Variants in SLC8A3 observed in about 807,000 individuals in gnomAD.
The protein encoded by SLC8A3 is sodium/calcium exchanger 3.
SLC8A3 carries 37 observed loss-of-function variants against 65.4 expected under a neutral mutation model. The ratio of observed to expected loss-of-function variants is 0.57; its 90% CI spans 0.44 to 0.74. The LOEUF (loss-of-function observed/expected upper bound fraction) is 0.74. Ranked by LOEUF, SLC8A3 falls within the 30% of genes least tolerant of loss-of-function variation. The probability of loss-of-function intolerance (pLI) is 0.00; values close to 1 mark genes in which losing one functional copy is unlikely to be tolerated. For synonymous variants in SLC8A3, 461 were observed against 444.5 expected, an observed-to-expected ratio of 1.04 and a Z score of -0.47; for missense variants, 1,112 against 1,172.1, an observed-to-expected ratio of 0.95 and a Z score of 0.75.
rs560121862 is a variant in SLC8A3 at position 70,124,914 on chromosome 14, G to A, written c.1784+41725C>T. ...AACTGTCAAAAGGAAGAGGGATGAG[G>A]GTTGGAAGAAGGTGGCATCCTTTCT... On this transcript the variant is annotated intron_variant, in intron 2 of 6. Coordinates refer to ENST00000356921, the MANE Select transcript of SLC8A3 (RefSeq NM_182932.3). Among the ~76,000 whole-genome samples the A allele has an allele frequency of 3.9e-5, 6 of 152,316 alleles. No individual in the cohort carries two copies. The East Asian group carries it at 9.6e-4, about 24-fold the overall frequency.
At chr14:70,119,125 G>A (rs1319741562) in intron 2 of SLC8A3, among the ~76,000 whole-genome samples, 1 of 152,062 alleles carries the variant, frequency 6.6e-6, no homozygotes, top group Non-Finnish European at 1.5e-5. Flanking sequence ...TTGGGGGAAT[G>A]GTGTGTTTCC....
At chr14:70,149,806 T>A (rs552996519) in intron 2 of SLC8A3, among the ~76,000 whole-genome samples, 1 of 152,306 alleles carries the variant, frequency 6.6e-6, no homozygotes, top group East Asian at 1.9e-4. Flanking sequence ...CATTCCATCT[T>A]TCTTTCCCTT....
At chr14:70,075,713 A>G (rs1287929670) in intron 2 of SLC8A3, among the ~76,000 whole-genome samples, 1 of 152,152 alleles carries the variant, frequency 6.6e-6, no homozygotes, top group East Asian at 1.9e-4. Context: ...TTCTCTCCTC[A>G]GCAGGAGTGC....
At chr14:70,120,907 C>T (rs61977438) in intron 2 of SLC8A3, among the ~76,000 whole-genome samples, 16,114 of 152,140 alleles carry the variant, frequency 0.11, 1,149 homozygotes, top group Non-Finnish European at 0.16. Context: ...TCAGGCATGA[C>T]GGAGGGAGTT....
At chr14:70,130,901 C>T (rs754516176) in intron 2 of SLC8A3, among the ~76,000 whole-genome samples, 62 of 152,122 alleles carry the variant, frequency 4.1e-4, no homozygotes, top group South Asian at 1.7e-3. Context: ...GGTAGAAATG[C>T]CTAGCAGGCA....
intron 2 of SLC8A3, among the ~76,000 whole-genome samples, chr14:70,139,209 T>A (rs925316767): frequency 2.0e-5 from 3 of 152,132 alleles, no homozygotes; most frequent in Non-Finnish European, 4.4e-5. Context: ...CCTGAGTTGT[T>A]GACTAGTAGG....
Position 70,051,115 on chromosome 14 carries a change from G to A in SLC8A3, c.2014-8C>T, listed in dbSNP as rs756431171. ...CAGTTTGTCCACCGTAGTCTGTTAA[G>A]AAGAGAAAAACTTGGAACCATGAGG... On this transcript the variant is annotated splice_region_variant and splice_polypyrimidine_tract_variant and intron_variant, in intron 4 of 6. Coordinates refer to ENST00000356921, the MANE Select transcript of SLC8A3 (RefSeq NM_182932.3). 3.7e-6 allele frequency: 6 copies of A among 1,601,776 alleles called. No homozygotes were observed. The Admixed American group carries it at 1.0e-4, about 27-fold the overall frequency.
intron 2 of SLC8A3, among the ~76,000 whole-genome samples, chr14:70,116,253 G>A (rs537440208): frequency 9.9e-5 from 15 of 152,230 alleles, no homozygotes; most frequent in Admixed American, 4.6e-4. Context: ...TTGTCTGAGA[G>A]GCCAGGGGTG....
At chr14:70,147,005 T>C (rs1270105122) in intron 2 of SLC8A3, among the ~76,000 whole-genome samples, 1 of 152,198 alleles carries the variant, frequency 6.6e-6, no homozygotes, top group Non-Finnish European at 1.5e-5. Flanking sequence ...AAAAATATTG[T>C]GACCAGCAGC....
chr14:70,121,069 A>G (rs1894019842), intron 2 of SLC8A3, among the ~76,000 whole-genome samples: 1 of 152,356 alleles, frequency 6.6e-6, no homozygotes, highest in Non-Finnish European at 1.5e-5. Context: ...CAGAATCTGC[A>G]ACATGACAAC....
intron 1 of SLC8A3, among the ~76,000 whole-genome samples, chr14:70,176,005 C>T (rs1481274777): frequency 6.6e-6 from 1 of 152,126 alleles, no homozygotes; most frequent in African/African-American, 2.4e-5. Flanking sequence ...AAAGGGGAAG[C>T]TTTTTTGTTT....
chr14:70,128,573 C>T (rs529549086), intron 2 of SLC8A3, among the ~76,000 whole-genome samples: 2 of 152,202 alleles, frequency 1.3e-5, no homozygotes, highest in Non-Finnish European at 1.5e-5. Context: ...CTAACCCATT[C>T]TCTTAGAGTG....
At chr14:70,097,570 CTG>C (rs1566777909) in intron 2 of SLC8A3, among the ~76,000 whole-genome samples, 1 of 152,192 alleles carries the variant, frequency 6.6e-6, no homozygotes. Context: ...ACAATGGAGA[CTG>C]TTTAAGTGTC....
At chr14:70,091,849 T>A (rs1208467813) in intron 2 of SLC8A3, among the ~76,000 whole-genome samples, 1 of 152,168 alleles carries the variant, frequency 6.6e-6, no homozygotes, top group Non-Finnish European at 1.5e-5. Context: ...ATCCTCACAA[T>A]TGCATTTATT....
intron 2 of SLC8A3, among the ~76,000 whole-genome samples, chr14:70,144,331 TAAAA>T (rs1164198147): frequency 1.9e-4 from 13 of 66,930 alleles, no homozygotes; most frequent in Non-Finnish European, 3.1e-4. Context: ...TTTTTTTTTT[TAAAA>T]AAAAAAAAAA....
intron 2 of SLC8A3, among the ~76,000 whole-genome samples, chr14:70,091,605 C>A (rs1046512561): frequency 1.3e-5 from 2 of 152,146 alleles, no homozygotes; most frequent in African/African-American, 4.8e-5. Flanking sequence ...GGTGTCGGAG[C>A]CACGCACCCC....
In SLC8A3 at chr14:70,167,904, A is replaced by T. The variant is rs757916686; in HGVS notation, c.519T>A (p.Ser173Arg). The change falls in exon 2 of 7, where the codon AGT becomes AGA. Residue 173 changes from serine (S) to arginine (R), a missense_variant. By Grantham distance (110) the Ser-to-Arg change is moderately radical. Coordinates refer to ENST00000356921, the MANE Select transcript of SLC8A3 (RefSeq NM_182932.3). ...GDLGPSTIVG[S>R]AAFNMFIIIG... Reference sequence around the variant, plus strand: ...TGATGATGAACATGTTGAAGGCTGCACTCCCTACAATGGTAGAAGGTCCCA... The same window carrying T: ...TGATGATGAACATGTTGAAGGCTGCTCTCCCTACAATGGTAGAAGGTCCCA... 6.2e-7 allele frequency: 1 copy of T among 1,614,034 alleles called. No homozygotes were observed.
chr14:70,046,416 G>A lies in SLC8A3; in HGVS notation c.2390-93C>T. ...TGCCCAAAAAGCAGCTTGAGCTGGT[G>A]GGCTGAACCCAGGAATGAGAGACAA... On this transcript the variant is annotated intron_variant, in intron 6 of 6. Transcript: ENST00000356921. This position sits in a 1 kb window ranked among gnomAD's most constrained non-coding sequence, Gnocchi z 4.2. 7.5e-7 allele frequency: 1 copy of A among 1,336,822 alleles called. No individual in the cohort carries two copies. Among genetic ancestry groups the A allele is most frequent in the Non-Finnish European group, 1.0e-6 (1 of 983,198 alleles). 82.8% of individuals were successfully genotyped at this position (1,336,822 alleles called of 1,614,324 possible). A position where few individuals can be genotyped will look rare whatever the true frequency, so the allele number is the denominator to read the frequency against.
intron 2 of SLC8A3, among the ~76,000 whole-genome samples, chr14:70,147,840 T>A (rs1896027678): frequency 6.6e-6 from 1 of 152,120 alleles, no homozygotes; most frequent in South Asian, 2.1e-4. Context: ...GAGAAATAAA[T>A]GTGTTGTTTG....
Sources: allele counts gnomAD v4.1 joint callset (sites outside exome capture counted in the v4.1 genomes callset), GRCh38; gene constraint gnomAD v4.1.1; non-coding constraint Gnocchi (gnomAD v3.1); transcripts MANE v1.5; gene names NCBI Gene and HGNC (gene_info 2026-07-23, HGNC 2026-07-21).